The following GATAD2A variants were observed in gnomAD, a reference collection of about 807,000 sequenced individuals.
The protein encoded by GATAD2A is GATA zinc finger domain containing 2A, also known as transcriptional repressor p66-alpha.
In GATAD2A, 12 loss-of-function variants were observed where a neutral mutation model predicts 68.5. That is an observed-to-expected ratio of 0.18 (90% CI 0.11 to 0.28). GATAD2A has a LOEUF of 0.28. Among genes scored for constraint, GATAD2A ranks in the 10% least tolerant of loss-of-function variants. The probability of loss-of-function intolerance (pLI) is 1.00; values close to 1 mark genes in which losing one functional copy is unlikely to be tolerated. For synonymous variants in GATAD2A, 410 were observed against 375.3 expected (o/e 1.09, Z -1.07); for missense variants, 755 against 868.5 (o/e 0.87, Z 1.64).
intron 2 of GATAD2A, among the ~76,000 whole-genome samples, chr19:19,481,942 A>G (rs1600244828): frequency 6.6e-6 from 1 of 152,062 alleles, no homozygotes; most frequent in East Asian, 1.9e-4. Context: ...ATATCTACCA[A>G]TAAATAACAA....
rs940551013 is a variant in GATAD2A at position 19,428,692 on chromosome 19, C to A, written c.-7+22673C>A. Among the ~76,000 whole-genome samples the A allele has an allele frequency of 1.1e-4, 17 of 152,208 alleles. 1 individual carries two copies. The highest frequency in any genetic ancestry group is 3.4e-4 in the African/African-American group (14 of 41,524). Reference sequence around the variant, plus strand: ...ACCAGAGGGCAGGGCTCTGGACCCGCATGAGAACTGTGAATGGGGTTTTAG... The same window carrying A: ...ACCAGAGGGCAGGGCTCTGGACCCGAATGAGAACTGTGAATGGGGTTTTAG... On this transcript the variant is annotated intron_variant, in intron 1 of 11. Transcript: ENST00000683918.
intron 2 of GATAD2A, among the ~76,000 whole-genome samples, chr19:19,485,752 A>T (rs1443283350): frequency 1.3e-5 from 2 of 152,202 alleles, no homozygotes; most frequent in East Asian, 1.9e-4. Context: ...AGGACTGCAG[A>T]GATGGGCCGG....
chr19:19,496,706 C>T (rs1193153189), intron 7 of GATAD2A, among the ~76,000 whole-genome samples: 2 of 152,236 alleles, frequency 1.3e-5, no homozygotes, highest in African/African-American at 2.4e-5. Context: ...CCGCACGTCC[C>T]TTCACCTCTG....
chr19:19,479,831 CTTTTTTT>C (rs35537344), intron 2 of GATAD2A, among the ~76,000 whole-genome samples: 3 of 85,578 alleles, frequency 3.5e-5, no homozygotes, highest in African/African-American at 1.4e-4. Flanking sequence ...GTGGCCCACT[CTTTTTTT>C]TTTTTTTTTT....
intron 2 of GATAD2A, among the ~76,000 whole-genome samples, chr19:19,477,565 A>C (rs1441580132): frequency 6.6e-6 from 1 of 152,172 alleles, no homozygotes; most frequent in Non-Finnish European, 1.5e-5. Context: ...CACCGGGTGC[A>C]GGGGTCAGAG....
chr19:19,480,886 A>C (rs1294763946), intron 2 of GATAD2A, among the ~76,000 whole-genome samples: 1 of 152,210 alleles, frequency 6.6e-6, no homozygotes, highest in African/African-American at 2.4e-5. Context: ...CAGATGTTTA[A>C]AAGAGGGGCA....
At chr19:19,425,800 T>G (rs1009923798) in intron 1 of GATAD2A, among the ~76,000 whole-genome samples, 30 of 151,836 alleles carry the variant, frequency 2.0e-4, no homozygotes, top group African/African-American at 7.0e-4. Context: ...CTTTTCTTTT[T>G]TTTTTTTTAG....
At chr19:19,490,013 A>G (rs1434523867) in intron 2 of GATAD2A, among the ~76,000 whole-genome samples, 1 of 152,172 alleles carries the variant, frequency 6.6e-6, no homozygotes, top group Non-Finnish European at 1.5e-5. Context: ...GGCAGCAAGG[A>G]GAGACATGCT....
chr19:19,416,657 C>G (rs1210253586), intron 1 of GATAD2A, among the ~76,000 whole-genome samples: 1 of 151,976 alleles, frequency 6.6e-6, no homozygotes. Flanking sequence ...TGGTTTATTG[C>G]ATTAGGGAAA....
intron 4 of GATAD2A, 70 bp downstream of exon 4, chr19:19,492,782 T>C: frequency 2.0e-6 from 3 of 1,529,054 alleles, no homozygotes; most frequent in Non-Finnish European, 2.7e-6. Flanking sequence ...CCCTCATCAA[T>C]GTCAGCGGCC....
intron 1 of GATAD2A, among the ~76,000 whole-genome samples, chr19:19,392,343 C>T (rs2048902847): frequency 6.6e-6 from 1 of 150,608 alleles, no homozygotes; most frequent in South Asian, 2.1e-4. Flanking sequence ...TTTGGCCTCC[C>T]AAAGTGTTGG....
intron 2 of GATAD2A, among the ~76,000 whole-genome samples, chr19:19,468,998 T>C (rs1479447670): frequency 6.6e-6 from 1 of 152,212 alleles, no homozygotes; most frequent in African/African-American, 2.4e-5. Context: ...AGATGGGGAA[T>C]TAAATGGAGC....
At chr19:19,428,590 G>A (rs915513634) in intron 1 of GATAD2A, among the ~76,000 whole-genome samples, 3 of 152,178 alleles carry the variant, frequency 2.0e-5, no homozygotes, top group Non-Finnish European at 4.4e-5. Flanking sequence ...GAGGAAGCTC[G>A]TGAGCATTTG....
Position 19,453,438 on chromosome 19 carries a change from C to T in GATAD2A, c.-6-11902C>T, listed in dbSNP as rs553433247. Among the ~76,000 whole-genome samples, 79 of 152,296 alleles carry T rather than the reference C, an allele frequency of 5.2e-4. No individual in the cohort carries two copies. The South Asian group carries it at 0.011, about 21-fold the overall frequency. ...TTTTTGAAACTAAATTTCCTTCTGA[C>T]TTGTCAAAAGAGTTAACCTTGAGTC... On this transcript the variant is annotated intron_variant, in intron 1 of 11. Transcript: ENST00000683918.
At position 19,501,395 on chromosome 19, in the gene GATAD2A, C is replaced by T; in HGVS notation, c.1482C>T (p.Ala494=). 6.2e-7 allele frequency: 1 copy of T among 1,602,818 alleles called. No homozygotes were observed. The highest frequency in any genetic ancestry group is 8.5e-7 in the Non-Finnish European group (1 of 1,175,410). The change falls in exon 9 of 12, where the codon GCC becomes GCT. Residue 494 remains alanine, a synonymous_variant. Coordinates refer to ENST00000683918, the MANE Select transcript of GATAD2A (RefSeq NM_001384528.1). Reference sequence around the variant, plus strand: ...AGGCCAAGGCCGAGCCCACCGCTGCCCCACACCCCGTGCTGAAGCAGGTGA... The same window carrying T: ...AGGCCAAGGCCGAGCCCACCGCTGCTCCACACCCCGTGCTGAAGCAGGTGA... ...PAQAKAEPTA[A]PHPVLKQVIK...
At chr19:19,421,985 C>G (rs1283168207) in intron 1 of GATAD2A, among the ~76,000 whole-genome samples, 1 of 152,068 alleles carries the variant, frequency 6.6e-6, no homozygotes, top group East Asian at 1.9e-4. Context: ...CCATGCCCAG[C>G]TAATTTTTGT....
chr19:19,496,418 G>A (rs1297895821), intron 7 of GATAD2A, among the ~76,000 whole-genome samples, 199 bp downstream of exon 7: 2 of 152,208 alleles, frequency 1.3e-5, no homozygotes, highest in Non-Finnish European at 2.9e-5. Flanking sequence ...CAGAAGTTTT[G>A]TGGGCAGACT....
intron 2 of GATAD2A, chr19:19,474,196 T>C (rs976990582): frequency 1.0e-6 from 1 of 981,638 alleles, no homozygotes; most frequent in Admixed American, 6.2e-5. Flanking sequence ...GACAGATGCT[T>C]TTTACAGGGA....
In GATAD2A at chr19:19,412,469, TA is replaced by T. The variant is rs939414715; in HGVS notation, c.-7+6463del. 2.2e-3 allele frequency among the ~76,000 whole-genome samples: 318 copies of T among 144,500 alleles called. 1 individual carries two copies. The highest frequency in any genetic ancestry group is 5.0e-3 in the East Asian group (25 of 4,996). The allele number at this position is 144,500 out of a possible 152,430, so 94.8% of individuals were successfully genotyped here. A position where few individuals can be genotyped will look rare whatever the true frequency, so the allele number is the denominator to read the frequency against. ...CGTGCCCGGCCGATTCCCCATCTCTTAAAAAAAAAAAAATTAGCCAGGTGTG... is the reference window on the plus strand; with the variant it reads ...CGTGCCCGGCCGATTCCCCATCTCTTAAAAAAAAAAAATTAGCCAGGTGTG... On this transcript the variant is annotated intron_variant, in intron 1 of 11. Transcript: ENST00000683918.
Sources: allele counts gnomAD v4.1 joint callset (sites outside exome capture counted in the v4.1 genomes callset), GRCh38; gene constraint gnomAD v4.1.1; transcripts MANE v1.5; gene names NCBI Gene and HGNC (gene_info 2026-07-23, HGNC 2026-07-21).